TMCO5A: variants seen among roughly 807,000 people sequenced by gnomAD.
TMCO5A encodes transmembrane and coiled-coil domain-containing protein 5A.
A neutral mutation model predicts 42.3 loss-of-function variants in TMCO5A; 34 were observed. The observed-to-expected ratio is 0.80, with a 90% CI of 0.61 to 1.07. The LOEUF is 1.07. Ranked by LOEUF, TMCO5A falls within the 50% of genes least tolerant of loss-of-function variation. The pLI, the probability that TMCO5A is intolerant of heterozygous loss-of-function variation, is 0.00. For synonymous variants in TMCO5A, 131 were observed against 115.6 expected (o/e 1.13, Z -0.86); for missense variants, 357 against 327.9 (o/e 1.09, Z -0.69).
chr15:38,037,765 A>G, the TMCO5A span, among the ~76,000 whole-genome samples: 1 of 152,250 alleles, frequency 6.6e-6, no homozygotes, highest in African/African-American at 2.4e-5. Flanking sequence ...CTGTAATTCC[A>G]GCAAGTTGGG....
At chr15:37,953,147 T>C, downstream of TMCO5A, among the ~76,000 whole-genome samples, 1 of 152,148 alleles carries the variant, frequency 6.6e-6, no homozygotes, top group East Asian at 1.9e-4. Flanking sequence ...CTCACCACCC[T>C]GAAGGGAAGG....
chr15:38,026,787 C>T, the TMCO5A span, among the ~76,000 whole-genome samples: 17 of 152,238 alleles, frequency 1.1e-4, no homozygotes, highest in African/African-American at 3.6e-4. Flanking sequence ...ACTTGTTGCC[C>T]TGCATCCCAG....
chr15:38,012,339 G>T, the TMCO5A span, among the ~76,000 whole-genome samples: 1 of 152,068 alleles, frequency 6.6e-6, no homozygotes, highest in Admixed American at 6.6e-5. Context: ...CTAACATTTT[G>T]CTGTTTGACA....
At chr15:37,942,102 G>T in intron 8 of TMCO5A, 89 bp from the exon 9 acceptor site, 6 of 1,207,062 alleles carry the variant, frequency 5.0e-6, no homozygotes, top group Non-Finnish European at 3.6e-6. Context: ...AGCATTCATG[G>T]TATCATGTAA....
At chr15:37,942,595 A>G (rs973302581) in intron 9 of TMCO5A, 32 of 213,256 alleles carry the variant, frequency 1.5e-4, no homozygotes, top group Non-Finnish European at 4.7e-5. Context: ...TTCCTTATAT[A>G]TCACAGAAAG....
the TMCO5A span, among the ~76,000 whole-genome samples, chr15:38,021,618 A>G: frequency 6.6e-6 from 1 of 152,212 alleles, no homozygotes; most frequent in Non-Finnish European, 1.5e-5. Flanking sequence ...GATTGACAAT[A>G]GCAGTGTTCC....
Position 37,951,275 on chromosome 15 carries a change from A to G in TMCO5A, c.*41A>G, listed in dbSNP as rs1273816129. 6.3e-7 allele frequency: 1 copy of G among 1,591,416 alleles called. No individual in the cohort carries two copies. ...CCTTGAGCAATAGAAGGGAAGTGGGATCCGAGCCTGTAGAAGGGAGGCATG... is the reference window on the plus strand; with the variant it reads ...CCTTGAGCAATAGAAGGGAAGTGGGGTCCGAGCCTGTAGAAGGGAGGCATG... On this transcript the variant is annotated 3_prime_UTR_variant, in exon 12 of 12. Coordinates refer to ENST00000319669, the MANE Select transcript of TMCO5A (RefSeq NM_152453.4).
At chr15:38,019,497 G>T in the TMCO5A span, among the ~76,000 whole-genome samples, 1 of 152,104 alleles carries the variant, frequency 6.6e-6, no homozygotes, top group East Asian at 1.9e-4. Context: ...GTTTAGGTTT[G>T]TAACAAAATT....
chr15:38,009,160 T>C, the TMCO5A span, among the ~76,000 whole-genome samples: 2 of 152,192 alleles, frequency 1.3e-5, no homozygotes, highest in African/African-American at 4.8e-5. Context: ...CCATTACGTA[T>C]CTTCTCATTT....
the TMCO5A span, among the ~76,000 whole-genome samples, chr15:37,981,252 G>A: frequency 4.9e-4 from 72 of 146,934 alleles, no homozygotes; most frequent in African/African-American, 1.7e-3. Context: ...GAGCAAGCCA[G>A]CAGAATAGTT....
the TMCO5A span, among the ~76,000 whole-genome samples, chr15:38,009,900 T>C: frequency 2.0e-5 from 3 of 152,228 alleles, no homozygotes; most frequent in Non-Finnish European, 1.5e-5. Flanking sequence ...TAGGTATTTA[T>C]GGTAGGCTGA....
At chr15:38,007,957 A>G in the TMCO5A span, among the ~76,000 whole-genome samples, 237 of 124,206 alleles carry the variant, frequency 1.9e-3, 4 homozygotes, top group East Asian at 0.037. Context: ...GTGCAGTGGC[A>G]CGATCTCGGC....
At chr15:37,987,800 A>C in the TMCO5A span, among the ~76,000 whole-genome samples, 2 of 151,966 alleles carry the variant, frequency 1.3e-5, no homozygotes, top group Non-Finnish European at 2.9e-5. Context: ...AGGAAGTATA[A>C]GCCTCCCATC....
chr15:37,992,674 G>T, the TMCO5A span, among the ~76,000 whole-genome samples: 5 of 152,158 alleles, frequency 3.3e-5, no homozygotes, highest in African/African-American at 9.6e-5. Context: ...CCATAAAAAA[G>T]AACTAGATCA....
chr15:37,963,699 T>A (rs2140819000), intron 11 of TMCO5A, among the ~76,000 whole-genome samples: 1 of 152,272 alleles, frequency 6.6e-6, no homozygotes, highest in Middle Eastern at 3.4e-3. Flanking sequence ...ATTTCTTAAG[T>A]CTATTAGTAA....
chr15:37,961,493 C>A (rs1056311191), intron 11 of TMCO5A, among the ~76,000 whole-genome samples: 2 of 152,006 alleles, frequency 1.3e-5, no homozygotes, highest in African/African-American at 4.8e-5. Flanking sequence ...CAGATTTGTT[C>A]TTTTTGCTTA....
At chr15:37,937,262 G>A in intron 4 of TMCO5A, 84 bp from the exon 5 acceptor site, 1 of 1,486,968 alleles carries the variant, frequency 6.7e-7, no homozygotes, top group Non-Finnish European at 9.4e-7. Context: ...GGAAAATATA[G>A]CTGGGGTGAA....
chr15:38,029,281 C>T, the TMCO5A span, among the ~76,000 whole-genome samples: 771 of 152,094 alleles, frequency 5.1e-3, 1 homozygote, highest in Non-Finnish European at 8.6e-3. Context: ...ACAGTCTACA[C>T]ACACACACAT....
chr15:38,028,022 G>T, the TMCO5A span, among the ~76,000 whole-genome samples: 2 of 152,098 alleles, frequency 1.3e-5, no homozygotes, highest in Non-Finnish European at 2.9e-5. Context: ...TAATACCCAT[G>T]GTGTCTTGCA....
Sources: allele counts gnomAD v4.1 joint callset (sites outside exome capture counted in the v4.1 genomes callset), GRCh38; gene constraint gnomAD v4.1.1; transcripts MANE v1.5; gene names NCBI Gene and HGNC (gene_info 2026-07-23, HGNC 2026-07-21).